ZFYVE27: variants seen among roughly 807,000 people sequenced by gnomAD.
ZFYVE27 encodes protrudin.
In ZFYVE27, 36 loss-of-function variants were observed where a neutral mutation model predicts 52.8. That is an observed-to-expected ratio of 0.68 (90% CI 0.52 to 0.90). The LOEUF is 0.90. Ranked by LOEUF, ZFYVE27 falls within the 40% of genes least tolerant of loss-of-function variation. ZFYVE27 has a pLI of 0.00. For missense variants in ZFYVE27, 450 were observed against 527.2 expected (o/e 0.85, Z 1.43); for synonymous variants, 223 against 215.6 (o/e 1.03, Z -0.30).
chr10:97,754,249 A>G (rs1490684500), intron 10 of ZFYVE27, among the ~76,000 whole-genome samples: 1 of 151,296 alleles, frequency 6.6e-6, no homozygotes, highest in Non-Finnish European at 1.5e-5. Context: ...TTTTCTCAGG[A>G]TTAGATGTCC....
chr10:97,745,668 GTTGTGAAGA>G (rs1447810489), intron 4 of ZFYVE27, among the ~76,000 whole-genome samples: 1 of 152,220 alleles, frequency 6.6e-6, no homozygotes, highest in Non-Finnish European at 1.5e-5. Flanking sequence ...TCAGAAGGTG[GTTGTGAAGA>G]TTGAACAGGT....
At chr10:97,749,248 C>G (rs1274322896) in intron 5 of ZFYVE27, among the ~76,000 whole-genome samples, 1 of 152,182 alleles carries the variant, frequency 6.6e-6, no homozygotes, top group Admixed American at 6.5e-5. Context: ...TATGTGCCAC[C>G]AGCTGACACC....
intron 11 of ZFYVE27, 60 bp from the exon 12 acceptor site, chr10:97,757,582 G>T: frequency 6.4e-7 from 1 of 1,560,118 alleles, no homozygotes; most frequent in Non-Finnish European, 8.8e-7. Context: ...GGAGGGAGGT[G>T]CTGAGAACTC....
At chr10:97,752,434 A>G (rs2047233368) in intron 8 of ZFYVE27, among the ~76,000 whole-genome samples, 1 of 152,184 alleles carries the variant, frequency 6.6e-6, no homozygotes, top group Admixed American at 6.5e-5. Context: ...GGTGGAGGGA[A>G]TATGTAGAGC....
At chr10:97,743,415 A>G (rs1327006604) in intron 3 of ZFYVE27, among the ~76,000 whole-genome samples, 1 of 152,236 alleles carries the variant, frequency 6.6e-6, no homozygotes, top group East Asian at 1.9e-4. Context: ...GAGGATAAAA[A>G]TGACGCTTTC....
chr10:97,758,239 C>T (rs1309418054), intron 12 of ZFYVE27: 3 of 152,348 alleles, frequency 2.0e-5, no homozygotes, highest in African/African-American at 7.3e-5. Context: ...CATTAGCTTG[C>T]ATGTAGAATA....
In ZFYVE27 at chr10:97,759,396, C is replaced by T. The variant is rs2049190031; in HGVS notation, c.*96C>T. ...CTGGCCCACTGTGGTGTGTGCTGGGCAAATGTGGCCTGAATGCTAGGTAGG... is the reference window on the plus strand; with the variant it reads ...CTGGCCCACTGTGGTGTGTGCTGGGTAAATGTGGCCTGAATGCTAGGTAGG... On this transcript the variant is annotated 3_prime_UTR_variant, in exon 13 of 13. Coordinates refer to ENST00000684270, the MANE Select transcript of ZFYVE27 (RefSeq NM_001385875.1). 8.4e-6 allele frequency: 11 copies of T among 1,309,338 alleles called. No individual in the cohort carries two copies. Among genetic ancestry groups the T allele is most frequent in the Admixed American group, 3.5e-5 (2 of 56,674 alleles). The allele number at this position is 1,309,338 out of a possible 1,614,324, so 81.1% of individuals were successfully genotyped here. A position where few individuals can be genotyped will look rare whatever the true frequency, so the allele number is the denominator to read the frequency against.
intron 4 of ZFYVE27, among the ~76,000 whole-genome samples, chr10:97,746,817 G>T (rs1350708996): frequency 6.6e-6 from 1 of 151,974 alleles, no homozygotes; most frequent in Non-Finnish European, 1.5e-5. Flanking sequence ...AGCCTCCTGA[G>T]TAGCTGGGAC....
At chr10:97,737,462 C>G (rs2042385124) in intron 1 of ZFYVE27, 141 bp downstream of exon 1, 1 of 152,726 alleles carries the variant, frequency 6.5e-6, no homozygotes, top group Non-Finnish European at 1.5e-5. Context: ...CGGGCTCCAT[C>G]AGGCCCCCCT....
chr10:97,740,643 A>G (rs2043367472), intron 2 of ZFYVE27, among the ~76,000 whole-genome samples: 1 of 152,238 alleles, frequency 6.6e-6, no homozygotes, highest in East Asian at 1.9e-4. Flanking sequence ...TGGTTAAAGC[A>G]GGATGCAGGA....
chr10:97,757,990 G>A (rs1272261507), intron 12 of ZFYVE27: 2 of 449,112 alleles, frequency 4.5e-6, no homozygotes, highest in Non-Finnish European at 8.0e-6. Context: ...AAGAGCCCTG[G>A]CAACACCCCC....
intron 12 of ZFYVE27, 30 bp from the exon 13 acceptor site, chr10:97,759,206 A>G: frequency 1.2e-6 from 2 of 1,613,810 alleles, no homozygotes; most frequent in South Asian, 1.1e-5. Context: ...GCGCAAGGAA[A>G]TGTCTCACCA....
chr10:97,759,162 G>A, intron 12 of ZFYVE27, 74 bp from the exon 13 acceptor site: 1 of 1,539,034 alleles, frequency 6.5e-7, no homozygotes, highest in Non-Finnish European at 9.0e-7. Context: ...CATTTGGGAG[G>A]GTGCTTCTAG....
At chr10:97,745,205 T>C (rs945418960) in intron 4 of ZFYVE27, among the ~76,000 whole-genome samples, 18 of 151,588 alleles carry the variant, frequency 1.2e-4, no homozygotes, top group Non-Finnish European at 5.9e-5. Flanking sequence ...AGACAGAGTT[T>C]CGCTCTCGTT....
chr10:97,744,935 C>T lies in ZFYVE27; in HGVS notation c.455+20C>T, dbSNP rs760010569. 4.4e-5 allele frequency: 69 copies of T among 1,551,734 alleles called. No homozygotes were observed. The highest frequency in any genetic ancestry group is 5.7e-5 in the Non-Finnish European group (65 of 1,150,252). On this transcript the variant is annotated intron_variant, in intron 4 of 12. Transcript: ENST00000684270. ...GAGCTTGTGAGTATGGAAGAGAGGCCAGGGAGGTGGGGGAACAGTAACAGC... is the reference window on the plus strand; with the variant it reads ...GAGCTTGTGAGTATGGAAGAGAGGCTAGGGAGGTGGGGGAACAGTAACAGC...
intron 7 of ZFYVE27, 99 bp from the exon 8 acceptor site, chr10:97,751,292 G>A (rs2046924816): frequency 2.9e-6 from 4 of 1,368,652 alleles, no homozygotes; most frequent in South Asian, 1.2e-5. Flanking sequence ...ATTTCGTGGT[G>A]TTTTGGGTAG....
chr10:97,741,448 G>A (rs887613674), intron 2 of ZFYVE27, among the ~76,000 whole-genome samples: 5 of 152,186 alleles, frequency 3.3e-5, no homozygotes, highest in African/African-American at 1.2e-4. Flanking sequence ...AAAAGGATAA[G>A]TTCATGTCCT....
At chr10:97,745,972 T>C (rs748243117) in intron 4 of ZFYVE27, among the ~76,000 whole-genome samples, 60 of 151,356 alleles carry the variant, frequency 4.0e-4, no homozygotes, top group Non-Finnish European at 8.1e-4. Flanking sequence ...GGCCTGGATA[T>C]GTAGTTTTTT....
At position 97,759,284 on chromosome 10, in the gene ZFYVE27, A is replaced by G; in HGVS notation, c.1220A>G (p.Gln407Arg). The change falls in exon 13 of 13, where the codon CAG (glutamine) becomes CGG (arginine). Residue 407 changes from glutamine (Q) to arginine (R), a missense_variant. Coordinates refer to ENST00000684270, the MANE Select transcript of ZFYVE27 (RefSeq NM_001385875.1). ...GTGTTTGTGTGTGCCTCGTGTAACC[A>G]GACCTTGAGCAAGTGAGAAGAGAGG... ...ETVFVCASCN[Q>R]TLSK 1 of 1,614,194 alleles carries G rather than the reference A, an allele frequency of 6.2e-7. No homozygotes were observed. The highest frequency in any genetic ancestry group is 8.5e-7 in the Non-Finnish European group (1 of 1,180,030).
Sources: gnomAD v4.1 joint callset for allele counts (sites outside exome capture counted in the v4.1 genomes callset) on GRCh38, gnomAD v4.1.1 for gene constraint, MANE v1.5 for transcripts, NCBI Gene and HGNC (gene_info 2026-07-23, HGNC 2026-07-21) for gene names.